The following RBM28 variants were observed in gnomAD, a reference collection of about 807,000 sequenced individuals.
The protein encoded by RBM28 is RNA binding motif protein 28.
In RBM28, 78 loss-of-function variants were observed where a neutral mutation model predicts 98.3. That is an observed-to-expected ratio of 0.79 (90% confidence interval 0.66 to 0.96). The LOEUF is 0.96. Ranked by LOEUF, RBM28 falls within the 40% of genes least tolerant of loss-of-function variation. The pLI is 0.00. For synonymous variants in RBM28, 306 were observed against 330.9 expected, an observed-to-expected ratio of 0.92 and a Z score of 0.82; for missense variants, 838 against 913.0, an observed-to-expected ratio of 0.92 and a Z score of 1.06.
rs1482353147 is a variant in RBM28 at position 128,308,538 on chromosome 7, A to G, written c.*2259T>C. 2.0e-5 allele frequency: 3 copies of G among 152,282 alleles called. No homozygotes were observed. The highest frequency in any genetic ancestry group is 4.4e-5 in the Non-Finnish European group (3 of 68,084). 9.4% of individuals were successfully genotyped at this position (152,282 alleles called of 1,614,324 possible). A position where few individuals can be genotyped will look rare whatever the true frequency, so the allele number is the denominator to read the frequency against. ...CCAGGCTACCGTAAGAACATTTGAC[A>G]GCCCAAGTCATGTCTCGAGGTGAAC... On this transcript the variant is annotated 3_prime_UTR_variant, in exon 19 of 19. Coordinates refer to ENST00000223073, the MANE Select transcript of RBM28 (RefSeq NM_018077.3).
chr7:128,312,698 A>T (rs1198657138), intron 18 of RBM28, among the ~76,000 whole-genome samples: 2 of 152,146 alleles, frequency 1.3e-5, no homozygotes, highest in Non-Finnish European at 2.9e-5. Flanking sequence ...GTATAAAAAA[A>T]TTTTTTTCAG....
At chr7:128,333,455 C>T (rs999643869) in intron 8 of RBM28, 93 bp from the exon 9 acceptor site, 4 of 1,076,250 alleles carry the variant, frequency 3.7e-6, no homozygotes, top group South Asian at 1.3e-5. Context: ...ATAAGCCTGG[C>T]GCAGTGGCTC....
intron 10 of RBM28, among the ~76,000 whole-genome samples, chr7:128,329,224 C>T (rs192889307): frequency 6.6e-5 from 10 of 152,216 alleles, no homozygotes; most frequent in African/African-American, 1.7e-4. Flanking sequence ...CTCAGCCTCC[C>T]GAGTAGCTGG....
chr7:128,335,458 G>A, intron 8 of RBM28, 85 bp downstream of exon 8: 2 of 1,531,288 alleles, frequency 1.3e-6, no homozygotes, highest in Non-Finnish European at 1.8e-6. Context: ...TATTTAAAAA[G>A]AGATCTAAGC....
Position 128,315,025 on chromosome 7 carries a change from A to T in RBM28, c.1789-5T>A, listed in dbSNP as rs755547506. ...AGGCTTGGATCTCATTTTTTGCTGC[A>T]TAAAACAAGAAAATGCCATCTGGTT... On this transcript the variant is annotated splice_region_variant and splice_polypyrimidine_tract_variant and intron_variant, in intron 16 of 18. Coordinates refer to ENST00000223073, the MANE Select transcript of RBM28 (RefSeq NM_018077.3). 6.2e-7 allele frequency: 1 copy of T among 1,614,224 alleles called. No individual in the cohort carries two copies. Among genetic ancestry groups the T allele is most frequent in the South Asian group, 1.1e-5 (1 of 91,090 alleles).
chr7:128,310,451 T>C lies in RBM28; in HGVS notation c.*346A>G, dbSNP rs972743893. 5 of 333,194 alleles carry C rather than the reference T, an allele frequency of 1.5e-5. No individual in the cohort carries two copies. Among genetic ancestry groups the C allele is most frequent in the Non-Finnish European group, 2.3e-5 (4 of 176,866 alleles). 20.6% of individuals were successfully genotyped at this position (333,194 alleles called of 1,614,324 possible). The stretch of plus-strand genomic sequence containing the variant: ...TTTAGAGAATATGCTTAACAAAATA[T>C]ACATCTTAAAAATTCAGCACTCCAG... On this transcript the variant is annotated 3_prime_UTR_variant, in exon 19 of 19. Transcript: ENST00000223073.
chr7:128,324,801 G>C, intron 11 of RBM28, 107 bp from the exon 12 acceptor site: 1 of 1,485,284 alleles, frequency 6.7e-7, no homozygotes, highest in Non-Finnish European at 9.3e-7. Flanking sequence ...ATCACCTGAG[G>C]TCAGGAGTTC....
At chr7:128,339,350 A>T in intron 2 of RBM28, 29 bp from the exon 3 acceptor site, 1 of 1,538,530 alleles carries the variant, frequency 6.5e-7, no homozygotes, top group East Asian at 2.2e-5. Context: ...TGGAATAAGT[A>T]CTCGAAAATC....
At chr7:128,311,512 C>G (rs1013969160) in intron 18 of RBM28, among the ~76,000 whole-genome samples, 1 of 152,094 alleles carries the variant, frequency 6.6e-6, no homozygotes, top group Non-Finnish European at 1.5e-5. Flanking sequence ...AATGTCAGGA[C>G]TGGGGAAGAG....
chr7:128,331,640 T>C (rs1046375523), intron 9 of RBM28, among the ~76,000 whole-genome samples: 1 of 151,930 alleles, frequency 6.6e-6, no homozygotes, highest in Non-Finnish European at 1.5e-5. Flanking sequence ...CTCAAAATAG[T>C]AACACAAAAG....
intron 18 of RBM28, among the ~76,000 whole-genome samples, 162 bp from the exon 19 acceptor site, chr7:128,311,093 A>T (rs2116316995): frequency 6.6e-6 from 1 of 152,362 alleles, no homozygotes; most frequent in South Asian, 2.1e-4. Context: ...AGGCTCAAAC[A>T]GAATCATCCA....
At chr7:128,320,900 T>C (rs533934223) in intron 14 of RBM28, among the ~76,000 whole-genome samples, 3 of 152,348 alleles carry the variant, frequency 2.0e-5, no homozygotes, top group Non-Finnish European at 4.4e-5. Flanking sequence ...GCACAGTGGC[T>C]CACGCCTGTA....
chr7:128,337,214 A>G lies in RBM28; in HGVS notation c.542-12T>C. On this transcript the variant is annotated splice_polypyrimidine_tract_variant and intron_variant, in intron 5 of 18. Transcript: ENST00000223073. Reference sequence around the variant, plus strand: ...AGCCACTGTCCGGCCTGTCAAGCAGAAAAGTGGCATCAGAAAGGCTCTCCT... The same window carrying G: ...AGCCACTGTCCGGCCTGTCAAGCAGGAAAGTGGCATCAGAAAGGCTCTCCT... 6.2e-7 allele frequency: 1 copy of G among 1,614,074 alleles called. No homozygotes were observed. The highest frequency in any genetic ancestry group is 8.5e-7 in the Non-Finnish European group (1 of 1,179,926).
chr7:128,320,307 G>T (rs1796200150), intron 14 of RBM28, among the ~76,000 whole-genome samples: 1 of 132,296 alleles, frequency 7.6e-6, no homozygotes, highest in Non-Finnish European at 1.6e-5. Flanking sequence ...AGGCTGAGGT[G>T]GGAGGATTGC....
chr7:128,301,636 T>C lies in RBM28; in HGVS notation c.*9161A>G, dbSNP rs927834054. On this transcript the variant is annotated 3_prime_UTR_variant, in exon 19 of 19. Coordinates refer to ENST00000223073, the MANE Select transcript of RBM28 (RefSeq NM_018077.3). ...ACCCAGGAAAGGACATGATCCCTCA[T>C]TAAGACCCAGCTATTGCCTAAGGGT... 7 of 152,346 alleles carry C rather than the reference T, an allele frequency of 4.6e-5. No homozygotes were observed. The highest frequency in any genetic ancestry group is 1.4e-4 in the African/African-American group (6 of 41,466). The allele number at this position is 152,346 out of a possible 1,614,324, so 9.4% of individuals were successfully genotyped here. A position where few individuals can be genotyped will look rare whatever the true frequency, so the allele number is the denominator to read the frequency against.
intron 13 of RBM28, 110 bp from the exon 14 acceptor site, chr7:128,321,534 G>T: frequency 7.3e-7 from 1 of 1,364,064 alleles, no homozygotes; most frequent in Non-Finnish European, 1.0e-6. Flanking sequence ...CACACATATA[G>T]AAAACGGATG....
In RBM28 at chr7:128,313,249, G is replaced by A; in HGVS notation, c.2071C>T (p.Pro691Ser). The part of the protein sequence containing the change: ...IRLRDKGKVK[P>S]VHPKKPKPQI... ...GGCTTTGGCTTTTTGGGATGGACGGGCTTCACTTTGCCTTTGTCCCGCAAC... is the reference window on the plus strand; with the variant it reads ...GGCTTTGGCTTTTTGGGATGGACGGACTTCACTTTGCCTTTGTCCCGCAAC... Residue 691 changes from proline to serine, a missense_variant, in exon 18 of 19, where the codon CCC (proline) becomes TCC (serine). Pro to Ser is a moderately conservative substitution (Grantham distance 74). Transcript: ENST00000223073. The A allele has an allele frequency of 6.2e-7, 1 of 1,614,120 alleles. No homozygotes were observed. Among genetic ancestry groups the A allele is most frequent in the South Asian group, 1.1e-5 (1 of 91,070 alleles).
intron 11 of RBM28, among the ~76,000 whole-genome samples, 164 bp downstream of exon 11, chr7:128,325,654 T>C (rs142725089): frequency 1.3e-5 from 2 of 152,306 alleles, no homozygotes; most frequent in African/African-American, 4.8e-5. Context: ...ATGATTAAGA[T>C]AATGCATGTA....
At chr7:128,340,125 A>G (rs1462142561) in intron 1 of RBM28, among the ~76,000 whole-genome samples, 1 of 152,188 alleles carries the variant, frequency 6.6e-6, no homozygotes, top group Non-Finnish European at 1.5e-5. Context: ...AACATCAAAA[A>G]GAACAAAACA....
Sources: allele counts gnomAD v4.1 joint callset (sites outside exome capture counted in the v4.1 genomes callset), GRCh38; gene constraint gnomAD v4.1.1; transcripts MANE v1.5; gene names NCBI Gene and HGNC (gene_info 2026-07-23, HGNC 2026-07-21).